IGF2BP3: variants seen among roughly 807,000 people sequenced by gnomAD.
IGF2BP3 encodes the protein insulin like growth factor 2 mRNA binding protein 3.
In IGF2BP3, 9 loss-of-function variants were observed where a neutral mutation model predicts 73.8. That is an observed-to-expected ratio of 0.12 (90% CI 0.07 to 0.21). The LOEUF (loss-of-function observed/expected upper bound fraction) is 0.21, where lower values mean the gene tolerates loss of function less well. IGF2BP3 is among the 10% of genes least tolerant of loss of function. IGF2BP3 has a pLI of 1.00. For missense variants in IGF2BP3, 542 were observed against 714.0 expected, an observed-to-expected ratio of 0.76 and a Z score of 2.75; for synonymous variants, 258 against 256.7, an observed-to-expected ratio of 1.01 and a Z score of -0.05.
chr7:23,387,216 A>G (rs570180439), intron 3 of IGF2BP3, among the ~76,000 whole-genome samples: 67 of 152,332 alleles, frequency 4.4e-4, no homozygotes, highest in Admixed American at 1.6e-3. Flanking sequence ...CCTCCTAGAA[A>G]GTCCATAAAC....
chr7:23,455,253 G>A (rs1766694657), intron 2 of IGF2BP3, among the ~76,000 whole-genome samples: 1 of 152,110 alleles, frequency 6.6e-6, no homozygotes, highest in Non-Finnish European at 1.5e-5. Flanking sequence ...TGCCCTCTCC[G>A]CTCAGCCTCA....
At chr7:23,320,644 TAAAAAA>T (rs35291021) in intron 10 of IGF2BP3, among the ~76,000 whole-genome samples, 1 of 115,340 alleles carries the variant, frequency 8.7e-6, no homozygotes, top group Non-Finnish European at 1.8e-5. Context: ...TGCTTTTGTT[TAAAAAA>T]AAAAAAAAAA....
intron 2 of IGF2BP3, among the ~76,000 whole-genome samples, chr7:23,466,388 A>C (rs1046818640): frequency 6.6e-6 from 1 of 152,186 alleles, no homozygotes; most frequent in Non-Finnish European, 1.5e-5. Flanking sequence ...AGTAAAAACA[A>C]CCTCCAATGT....
At chr7:23,412,408 C>A (rs542445717) in intron 3 of IGF2BP3, among the ~76,000 whole-genome samples, 1 of 152,188 alleles carries the variant, frequency 6.6e-6, no homozygotes, top group South Asian at 2.1e-4. Flanking sequence ...TGAAGTAAAA[C>A]CAAGAAACGT....
At chr7:23,452,800 C>CA (rs34216508) in intron 2 of IGF2BP3, among the ~76,000 whole-genome samples, 39,874 of 113,970 alleles carry the variant, frequency 0.35, 6,426 homozygotes, top group Middle Eastern at 0.46. Flanking sequence ...AGACTCATCT[C>CA]AAAAAAAAAA....
At chr7:23,320,430 A>ATTCAAGG (rs150908960) in intron 10 of IGF2BP3, among the ~76,000 whole-genome samples, 5,783 of 152,084 alleles carry the variant, frequency 0.038, 177 homozygotes, top group South Asian at 0.1. Flanking sequence ...AAAAAGGCCA[A>ATTCAAGG]TTCAAGGTTC....
chr7:23,370,152 T>G (rs777948177), intron 3 of IGF2BP3, among the ~76,000 whole-genome samples: 5 of 152,190 alleles, frequency 3.3e-5, no homozygotes, highest in Non-Finnish European at 5.9e-5. Flanking sequence ...CCCTCAAAAC[T>G]GGGTAAAGTA....
intron 3 of IGF2BP3, among the ~76,000 whole-genome samples, chr7:23,412,119 A>AT (rs1677703886): frequency 6.6e-6 from 1 of 151,286 alleles, no homozygotes; most frequent in South Asian, 2.1e-4. Context: ...AGTAGCTAAG[A>AT]TTACAGGCAT....
At chr7:23,443,284 C>G (rs1047174457) in intron 2 of IGF2BP3, among the ~76,000 whole-genome samples, 1 of 151,830 alleles carries the variant, frequency 6.6e-6, no homozygotes, top group Admixed American at 6.6e-5. Flanking sequence ...CGCCACCACT[C>G]CCAGCTAATT....
intron 10 of IGF2BP3, among the ~76,000 whole-genome samples, chr7:23,321,130 C>T (rs6461705): frequency 0.38 from 57,295 of 151,520 alleles, 11,093 homozygotes; most frequent in Middle Eastern, 0.48. Context: ...ATGCAGAAGA[C>T]GGGTGATTTC....
chr7:23,396,637 G>C (rs1433170122), intron 3 of IGF2BP3: 1 of 152,052 alleles, frequency 6.6e-6, no homozygotes, highest in Non-Finnish European at 1.5e-5. Flanking sequence ...TCTAAATTGA[G>C]GGCTAAATAA....
In IGF2BP3 at chr7:23,323,834, G is replaced by A. The variant is rs915593042; in HGVS notation, c.1204-4580C>T. 2.2e-3 allele frequency among the ~76,000 whole-genome samples: 338 copies of A among 151,944 alleles called. 2 individuals are homozygous for A. The highest frequency in any genetic ancestry group is 7.2e-3 in the African/African-American group (297 of 41,414). ...CCTGAATGACTACTGGGTACATAAC[G>A]AAATTAAGGCAGAAATAAAGATGTT... On this transcript the variant is annotated intron_variant, in intron 10 of 14. Coordinates refer to ENST00000258729, the MANE Select transcript of IGF2BP3 (RefSeq NM_006547.3).
chr7:23,427,373 T>G (rs530096195), intron 2 of IGF2BP3, among the ~76,000 whole-genome samples: 2 of 152,164 alleles, frequency 1.3e-5, no homozygotes, highest in Non-Finnish European at 2.9e-5. Context: ...CAATTCATTC[T>G]TCCCCTTCCC....
intron 10 of IGF2BP3, among the ~76,000 whole-genome samples, chr7:23,330,563 A>T (rs1285126186): frequency 6.6e-6 from 1 of 152,060 alleles, no homozygotes; most frequent in Non-Finnish European, 1.5e-5. Context: ...AAGGGCATCC[A>T]GAGACAGTCA....
At chr7:23,361,624 T>C (rs1320651887) in intron 4 of IGF2BP3, 27 bp from the exon 5 acceptor site, 3 of 1,613,218 alleles carry the variant, frequency 1.9e-6, no homozygotes, top group Non-Finnish European at 2.5e-6. Flanking sequence ...ACGAAGAGAA[T>C]AAAAGTTAGT....
At chr7:23,355,282 C>T (rs531786086) in intron 5 of IGF2BP3, among the ~76,000 whole-genome samples, 6 of 150,888 alleles carry the variant, frequency 4.0e-5, no homozygotes, top group African/African-American at 1.2e-4. Flanking sequence ...AGCGCAATGA[C>T]GCGATCTCGG....
intron 10 of IGF2BP3, among the ~76,000 whole-genome samples, chr7:23,320,104 G>T (rs1400766411): frequency 6.6e-6 from 1 of 151,304 alleles, no homozygotes; most frequent in Non-Finnish European, 1.5e-5. Context: ...TAGAGATAGG[G>T]TTTCACCATG....
intron 6 of IGF2BP3, among the ~76,000 whole-genome samples, chr7:23,349,324 TC>T (rs2128504086): frequency 6.6e-6 from 1 of 152,216 alleles, no homozygotes; most frequent in East Asian, 1.9e-4. Context: ...TTGGTTGAAA[TC>T]TGAAGATTTA....
At chr7:23,462,891 C>T (rs931886079) in intron 2 of IGF2BP3, among the ~76,000 whole-genome samples, 1 of 152,156 alleles carries the variant, frequency 6.6e-6, no homozygotes, top group Non-Finnish European at 1.5e-5. Context: ...TAATGGAACA[C>T]TCAAAACTAT....
Sources: allele counts gnomAD v4.1 joint callset (sites outside exome capture counted in the v4.1 genomes callset), GRCh38; gene constraint gnomAD v4.1.1; transcripts MANE v1.5; gene names NCBI Gene and HGNC (gene_info 2026-07-23, HGNC 2026-07-21).